Variants in TRAPPC3L observed in about 807,000 individuals in gnomAD.
The protein encoded by TRAPPC3L is trafficking protein particle complex subunit 3-like protein.
A neutral mutation model predicts 23.7 loss-of-function variants in TRAPPC3L; 23 were observed. That is an observed-to-expected ratio of 0.97 (90% CI 0.70 to 1.37). TRAPPC3L has a LOEUF of 1.37. Ranked by LOEUF, TRAPPC3L falls within the 40% of genes most tolerant of loss-of-function variation. TRAPPC3L has a pLI of 0.00. For synonymous variants in TRAPPC3L, 81 were observed against 77.9 expected (o/e 1.04, Z -0.21); for missense variants, 212 against 216.8 (o/e 0.98, Z 0.14).
At chr6:116,515,196 C>T (rs1280523270) in intron 3 of TRAPPC3L, among the ~76,000 whole-genome samples, 1 of 152,128 alleles carries the variant, frequency 6.6e-6, no homozygotes, top group Non-Finnish European at 1.5e-5. Flanking sequence ...TTTATCAATG[C>T]CTAAAAATGC....
At chr6:116,511,183 G>GATATATATATAT (rs59420398) in intron 3 of TRAPPC3L, among the ~76,000 whole-genome samples, 3,489 of 141,344 alleles carry the variant, frequency 0.025, 47 homozygotes, top group Non-Finnish European at 0.031. Context: ...AAAAGCTATT[G>GATATATATATAT]ATATATATAT....
intron 3 of TRAPPC3L, among the ~76,000 whole-genome samples, chr6:116,532,734 C>T (rs1193406401): frequency 6.6e-6 from 1 of 152,176 alleles, no homozygotes; most frequent in East Asian, 1.9e-4. Context: ...GGAAGATCAA[C>T]AGGCACAAAA....
Position 116,512,402 on chromosome 6 carries a change from GCTGGGTGGCTCAATAAAGTTGCTGA to G in TRAPPC3L, c.241-11761_241-11737del, listed in dbSNP as rs1045214950. 8 of 760,874 alleles carry G rather than the reference GCTGGGTGGCTCAATAAAGTTGCTGA, an allele frequency of 1.1e-5. No individual in the cohort carries two copies. In the African/African-American group the frequency reaches 1.2e-4, roughly 12 times the overall value. The allele number at this position is 760,874 out of a possible 1,614,324, so 47.1% of individuals were successfully genotyped here. On this transcript the variant is annotated intron_variant, in intron 3 of 4. Coordinates refer to ENST00000368602, the MANE Select transcript of TRAPPC3L (RefSeq NM_001139444.3). ...CTATCTCAGGAAAAGCTTTTGAAAG[GCTGGGTGGCTCAATAAAGTTGCTGA>G]CTGGATTATCTCTTTTCCGGTTCTG...
In TRAPPC3L at chr6:116,495,313, A is replaced by G. The variant is rs1771819278; in HGVS notation, c.*1641T>C. 1 of 151,982 alleles carries G rather than the reference A, an allele frequency of 6.6e-6. No homozygotes were observed. Among genetic ancestry groups the G allele is most frequent in the Non-Finnish European group, 1.5e-5 (1 of 67,998 alleles). 9.4% of individuals were successfully genotyped at this position (151,982 alleles called of 1,614,324 possible). A position where few individuals can be genotyped will look rare whatever the true frequency, so the allele number is the denominator to read the frequency against. On this transcript the variant is annotated 3_prime_UTR_variant, in exon 5 of 5. Transcript: ENST00000368602. ...TATTTCATTGAACATAATGACCTCT[A>G]GTTCCATCCATGTTTTGCAAATGAC... is the stretch of plus-strand genomic sequence containing the variant.
chr6:116,496,680 A>G lies in TRAPPC3L; in HGVS notation c.*274T>C. The G allele has an allele frequency of 3.3e-6, 1 of 306,482 alleles. No individual in the cohort carries two copies. Among genetic ancestry groups the G allele is most frequent in the Non-Finnish European group, 5.9e-6 (1 of 169,422 alleles). 19.0% of individuals were successfully genotyped at this position (306,482 alleles called of 1,614,324 possible). ...GTGAATGGAATGAACAGCTTCTCTG[A>G]GGATGGATAGTGTAAGATGTGGAAT... On this transcript the variant is annotated 3_prime_UTR_variant, in exon 5 of 5. Coordinates refer to ENST00000368602, the MANE Select transcript of TRAPPC3L (RefSeq NM_001139444.3).
chr6:116,512,279 G>T (rs1483161720), intron 3 of TRAPPC3L: 2 of 1,549,000 alleles, frequency 1.3e-6, no homozygotes, highest in South Asian at 1.2e-5. Context: ...GCATGAGCTC[G>T]AAGTATTCTC....
intron 3 of TRAPPC3L, among the ~76,000 whole-genome samples, chr6:116,530,504 C>T (rs1480340592): frequency 2.0e-5 from 3 of 152,098 alleles, no homozygotes; most frequent in African/African-American, 7.2e-5. Context: ...AAAGGGAAAC[C>T]TAATACTACC....
At chr6:116,543,529 T>A in intron 1 of TRAPPC3L, 129 bp from the exon 2 acceptor site, 1 of 789,820 alleles carries the variant, frequency 1.3e-6, no homozygotes, top group South Asian at 1.9e-5. Flanking sequence ...TTCCTCCTAT[T>A]ATTGCAACAA....
At chr6:116,502,852 C>T (rs1771940523) in intron 3 of TRAPPC3L, among the ~76,000 whole-genome samples, 1 of 152,122 alleles carries the variant, frequency 6.6e-6, no homozygotes, top group Non-Finnish European at 1.5e-5. Context: ...ACCAGGCCTG[C>T]CTTACAAGAG....
At chr6:116,535,615 C>G (rs1218446555) in intron 3 of TRAPPC3L, among the ~76,000 whole-genome samples, 2 of 152,156 alleles carry the variant, frequency 1.3e-5, no homozygotes, top group Non-Finnish European at 2.9e-5. Context: ...GCACTTTCTA[C>G]TTTCCCTTAT....
chr6:116,504,914 T>C (rs949771418), intron 3 of TRAPPC3L, among the ~76,000 whole-genome samples: 8 of 152,098 alleles, frequency 5.3e-5, no homozygotes, highest in African/African-American at 1.7e-4. Context: ...CAATATCATA[T>C]TGAATGGGCA....
intron 3 of TRAPPC3L, chr6:116,522,093 G>A (rs1772356409): frequency 6.6e-6 from 1 of 152,222 alleles, no homozygotes; most frequent in Admixed American, 6.5e-5. Flanking sequence ...TAGGGGTCAG[G>A]CATGTGAATG....
intron 3 of TRAPPC3L, chr6:116,511,980 G>A (rs775040957): frequency 1.9e-6 from 3 of 1,613,898 alleles, no homozygotes; most frequent in South Asian, 2.2e-5. Flanking sequence ...CACAGCTGCC[G>A]TTTCTTCTAC....
chr6:116,512,222 C>T, intron 3 of TRAPPC3L: 2 of 1,597,212 alleles, frequency 1.3e-6, no homozygotes, highest in Non-Finnish European at 1.7e-6. Context: ...ACTCTCCCTT[C>T]AGGCCCAGTC....
Position 116,496,950 on chromosome 6 carries a change from G to C in TRAPPC3L, c.*4C>G. ...CCGCCCCGTGGCATTTTCCGTGCTAGTCTTCATTTTTTCCCTCTATATTTT... is the reference window on the plus strand; with the variant it reads ...CCGCCCCGTGGCATTTTCCGTGCTACTCTTCATTTTTTCCCTCTATATTTT... On this transcript the variant is annotated 3_prime_UTR_variant, in exon 5 of 5. Coordinates refer to ENST00000368602, the MANE Select transcript of TRAPPC3L (RefSeq NM_001139444.3). 1.3e-6 allele frequency: 2 copies of C among 1,542,118 alleles called. No individual in the cohort carries two copies. Among genetic ancestry groups the C allele is most frequent in the South Asian group, 1.2e-5 (1 of 81,848 alleles).
At chr6:116,543,690 G>A (rs573569545) in intron 1 of TRAPPC3L, 6 of 811,710 alleles carry the variant, frequency 7.4e-6, no homozygotes, top group East Asian at 2.7e-5. Context: ...TTTTCATGGA[G>A]GACAGTTTTT....
At chr6:116,512,207 C>T (rs2115164686) in intron 3 of TRAPPC3L, 1 of 1,604,346 alleles carries the variant, frequency 6.2e-7, no homozygotes, top group Non-Finnish European at 8.5e-7. Flanking sequence ...CAATGAAGAA[C>T]TGAAACTCTC....
chr6:116,512,183 A>G (rs776306633), intron 3 of TRAPPC3L: 2 of 1,610,392 alleles, frequency 1.2e-6, no homozygotes, highest in Admixed American at 3.3e-5. Flanking sequence ...CAAAACTAGC[A>G]TGCTACCTAC....
At chr6:116,537,554 C>G (rs1389572270) in intron 3 of TRAPPC3L, among the ~76,000 whole-genome samples, 1 of 152,050 alleles carries the variant, frequency 6.6e-6, no homozygotes, top group Non-Finnish European at 1.5e-5. Context: ...ATTTCTTACT[C>G]GATTCCTCTT....
Sources: allele counts gnomAD v4.1 joint callset (sites outside exome capture counted in the v4.1 genomes callset), GRCh38; gene constraint gnomAD v4.1.1; transcripts MANE v1.5; gene names NCBI Gene and HGNC (gene_info 2026-07-23, HGNC 2026-07-21).